Variants in CYSTM1 observed in about 807,000 individuals in gnomAD.
The protein encoded by CYSTM1 is cysteine rich transmembrane module containing 1, also known as cysteine-rich transmembrane module-containing protein 1.
A neutral mutation model predicts 13.1 loss-of-function variants in CYSTM1; 4 were observed. That is an observed-to-expected ratio of 0.31 (90% confidence interval 0.15 to 0.70). The LOEUF (loss-of-function observed/expected upper bound fraction) is 0.70. Among genes scored for constraint, CYSTM1 ranks in the 30% least tolerant of loss-of-function variants. The pLI is 0.72. For missense variants in CYSTM1, 96 were observed against 121.6 expected, an observed-to-expected ratio of 0.79 and a Z score of 0.99; for synonymous variants, 36 against 42.7, an observed-to-expected ratio of 0.84 and a Z score of 0.62.
intron 2 of CYSTM1, among the ~76,000 whole-genome samples, chr5:140,228,507 A>G (rs1764586251): frequency 6.6e-6 from 1 of 152,214 alleles, no homozygotes; most frequent in Admixed American, 6.5e-5. Context: ...GGTGGCAGGA[A>G]CAGTGGTCTG....
At chr5:140,215,967 C>A (rs1030902929) in intron 2 of CYSTM1, among the ~76,000 whole-genome samples, 1 of 151,890 alleles carries the variant, frequency 6.6e-6, no homozygotes, top group African/African-American at 2.4e-5. Context: ...GTAGGAAAAC[C>A]CTGTCCCTAC....
chr5:140,223,914 G>A (rs1188960262), intron 2 of CYSTM1, among the ~76,000 whole-genome samples: 1 of 152,166 alleles, frequency 6.6e-6, no homozygotes, highest in East Asian at 1.9e-4. Flanking sequence ...TTATTCCAGG[G>A]TGAGCCAGCT....
At chr5:140,217,909 C>G (rs529940855) in intron 2 of CYSTM1, among the ~76,000 whole-genome samples, 1 of 152,086 alleles carries the variant, frequency 6.6e-6, no homozygotes, top group Non-Finnish European at 1.5e-5. Context: ...CATTGCAGTC[C>G]TCAACATTTT....
At chr5:140,243,057 G>C (rs1764770184) in intron 2 of CYSTM1, among the ~76,000 whole-genome samples, 1 of 152,240 alleles carries the variant, frequency 6.6e-6, no homozygotes, top group African/African-American at 2.4e-5. Context: ...GGGCCATTCT[G>C]CAAGTTCTCT....
At chr5:140,232,450 TGCAAAG>T (rs1764627993) in intron 2 of CYSTM1, among the ~76,000 whole-genome samples, 6 of 152,244 alleles carry the variant, frequency 3.9e-5, no homozygotes, top group African/African-American at 1.4e-4. Flanking sequence ...TGGATGGATC[TGCAAAG>T]GAGTCAGAGA....
rs888842978 is a variant in CYSTM1, at chr5:140,175,833, C to A, written c.-21+548C>A. On this transcript the variant is annotated intron_variant, in intron 1 of 2. Transcript: ENST00000261811. This position sits in a 1 kb window ranked among gnomAD's most constrained non-coding sequence, Gnocchi z 4.9. ...CGGAGGCCGGGGTGTTCAGAGAAGGCGTTGCGGGGGAAAGGAATCCCGGCT... is the reference window on the plus strand; with the variant it reads ...CGGAGGCCGGGGTGTTCAGAGAAGGAGTTGCGGGGGAAAGGAATCCCGGCT... Among the ~76,000 whole-genome samples, 4 of 152,090 alleles carry A rather than the reference C, an allele frequency of 2.6e-5. No individual in the cohort carries two copies. Among genetic ancestry groups the A allele is most frequent in the African/African-American group, 7.2e-5 (3 of 41,424 alleles).
chr5:140,180,920 A>G (rs1056968940), intron 1 of CYSTM1, among the ~76,000 whole-genome samples: 4 of 152,228 alleles, frequency 2.6e-5, no homozygotes, highest in Non-Finnish European at 5.9e-5. Flanking sequence ...GGTTCCTATC[A>G]CTAGTTTCCT....
At chr5:140,226,525 A>T (rs1764554397) in intron 2 of CYSTM1, among the ~76,000 whole-genome samples, 1 of 122,388 alleles carries the variant, frequency 8.2e-6, no homozygotes, top group Non-Finnish European at 1.6e-5. Flanking sequence ...AATAATATAT[A>T]ATATATTTAT....
chr5:140,183,210 A>G (rs1763979125), intron 1 of CYSTM1, among the ~76,000 whole-genome samples: 1 of 152,096 alleles, frequency 6.6e-6, no homozygotes. Flanking sequence ...GGAGGGATGG[A>G]CCTGTCCCTT....
At chr5:140,238,380 C>G (rs900334770) in intron 2 of CYSTM1, among the ~76,000 whole-genome samples, 1 of 152,214 alleles carries the variant, frequency 6.6e-6, no homozygotes, top group African/African-American at 2.4e-5. Context: ...ATGAAAACTA[C>G]AGACCCTTGA....
intron 2 of CYSTM1, among the ~76,000 whole-genome samples, chr5:140,206,250 A>C (rs1764297536): frequency 6.7e-6 from 1 of 149,214 alleles, no homozygotes; most frequent in Admixed American, 6.7e-5. Context: ...ACCCCATATA[A>C]TTGTAGCGCC....
At chr5:140,203,960 A>G (rs2126660969) in intron 2 of CYSTM1, among the ~76,000 whole-genome samples, 1 of 152,308 alleles carries the variant, frequency 6.6e-6, no homozygotes. Flanking sequence ...GTTAGGAGTA[A>G]GACGAACCCA....
chr5:140,235,298 T>C (rs1764667698), intron 2 of CYSTM1, among the ~76,000 whole-genome samples: 1 of 151,908 alleles, frequency 6.6e-6, no homozygotes, highest in Admixed American at 6.6e-5. Context: ...CTCCAAAAGC[T>C]GCATTAGGGA....
At chr5:140,220,958 GC>G (rs1178201054) in intron 2 of CYSTM1, among the ~76,000 whole-genome samples, 2 of 152,168 alleles carry the variant, frequency 1.3e-5, no homozygotes, top group Non-Finnish European at 2.9e-5. Flanking sequence ...ACAGAGTTTT[GC>G]CTGCTGTGAA....
intron 2 of CYSTM1, among the ~76,000 whole-genome samples, chr5:140,234,913 T>C (rs2126671887): frequency 6.6e-6 from 1 of 152,124 alleles, no homozygotes; most frequent in East Asian, 1.9e-4. Context: ...CATGATTAGG[T>C]TTTTTCTCTA....
rs1161281232 is a variant in CYSTM1, at chr5:140,177,068, C to CAAAAAAAAA, written c.-21+1794_-21+1802dup. 5.7e-5 allele frequency among the ~76,000 whole-genome samples: 5 copies of CAAAAAAAAA among 87,950 alleles called. 1 individual carries two copies. Among genetic ancestry groups the CAAAAAAAAA allele is most frequent in the Non-Finnish European group, 1.1e-4 (5 of 45,812 alleles). The allele number at this position is 87,950 out of a possible 152,430, so 57.7% of individuals were successfully genotyped here. A position where few individuals can be genotyped will look rare whatever the true frequency, so the allele number is the denominator to read the frequency against. ...TGGGCGACAGAGCGAGACTCTGTCT[C>CAAAAAAAAA]AAAAAAAAAAAAAAAAAAATCTCTA... On this transcript the variant is annotated intron_variant, in intron 1 of 2. Coordinates refer to ENST00000261811, the MANE Select transcript of CYSTM1 (RefSeq NM_032412.4).
rs1561806270 is a variant in CYSTM1 at position 140,175,267 on chromosome 5, C to T, written c.-39C>T. On this transcript the variant is annotated 5_prime_UTR_variant, in exon 1 of 3. Coordinates refer to ENST00000261811, the MANE Select transcript of CYSTM1 (RefSeq NM_032412.4). This position sits in a 1 kb window ranked among gnomAD's most constrained non-coding sequence, Gnocchi z 4.9. ...GGTTCAGACCCGACCGTTATCCAGTCGGTTCGTGGAGAGGAGAGGTGAGGT... is the reference window on the plus strand; with the variant it reads ...GGTTCAGACCCGACCGTTATCCAGTTGGTTCGTGGAGAGGAGAGGTGAGGT... 1 of 152,382 alleles carries T rather than the reference C, an allele frequency of 6.6e-6. No homozygotes were observed. Among genetic ancestry groups the T allele is most frequent in the Non-Finnish European group, 1.5e-5 (1 of 68,180 alleles). 9.4% of individuals were successfully genotyped at this position (152,382 alleles called of 1,614,324 possible).
chr5:140,185,473 T>C (rs1191368219), intron 1 of CYSTM1, among the ~76,000 whole-genome samples: 2 of 152,170 alleles, frequency 1.3e-5, no homozygotes, highest in African/African-American at 4.8e-5. Context: ...ATTTGGGAGG[T>C]TGAGACCAGA....
In CYSTM1 at chr5:140,234,510, G is replaced by A. The variant is rs567502099; in HGVS notation, c.188-8795G>A. Among the ~76,000 whole-genome samples, 5 of 152,308 alleles carry A rather than the reference G, an allele frequency of 3.3e-5. No individual in the cohort carries two copies. In the South Asian group the frequency reaches 1.0e-3, roughly 32 times the overall value. ...ATCATGGGGCCTAATGGGTATTTAA[G>A]TGGGATTGGTTGCTCACCCTTACAT... On this transcript the variant is annotated intron_variant, in intron 2 of 2. Transcript: ENST00000261811.
Sources: allele counts gnomAD v4.1 joint callset (sites outside exome capture counted in the v4.1 genomes callset), GRCh38; gene constraint gnomAD v4.1.1; non-coding constraint Gnocchi (gnomAD v3.1); transcripts MANE v1.5; gene names NCBI Gene and HGNC (gene_info 2026-07-23, HGNC 2026-07-21).